Variants in GALNT13 observed in about 807,000 individuals in gnomAD.
GALNT13 encodes the protein polypeptide N-acetylgalactosaminyltransferase 13.
A neutral mutation model predicts 64.2 loss-of-function variants in GALNT13; 28 were observed. The ratio of observed to expected loss-of-function variants is 0.44; its 90% CI spans 0.32 to 0.60. The LOEUF (loss-of-function observed/expected upper bound fraction) is 0.60. Among genes scored for constraint, GALNT13 ranks in the 20% least tolerant of loss-of-function variants. The pLI, the probability that GALNT13 is intolerant of heterozygous loss-of-function variation, is 0.05. For synonymous variants in GALNT13, 214 were observed against 224.6 expected (o/e 0.95, Z 0.42); for missense variants, 577 against 669.8 (o/e 0.86, Z 1.53).
the GALNT13 span, among the ~76,000 whole-genome samples, chr2:153,816,572 T>TC: frequency 2.0e-5 from 3 of 152,212 alleles, no homozygotes; most frequent in East Asian, 3.9e-4. Context: ...GTATTAGGGT[T>TC]CCCCACAGAG....
the GALNT13 span, among the ~76,000 whole-genome samples, chr2:153,397,042 C>G: frequency 6.6e-5 from 10 of 152,076 alleles, no homozygotes; most frequent in African/African-American, 2.4e-4. Flanking sequence ...GTTTTGCCAC[C>G]ATTTTCATCC....
chr2:153,647,990 C>A, the GALNT13 span, among the ~76,000 whole-genome samples: 1 of 151,922 alleles, frequency 6.6e-6, no homozygotes, highest in Admixed American at 6.6e-5. Flanking sequence ...TAGTTTTTTC[C>A]AATTCTGTGA....
intron 3 of GALNT13, among the ~76,000 whole-genome samples, chr2:153,978,797 A>G (rs1352395295): frequency 2.0e-5 from 3 of 152,114 alleles, no homozygotes; most frequent in Non-Finnish European, 2.9e-5. Context: ...TGAGCTGGGC[A>G]TGGTGGCTCA....
the GALNT13 span, among the ~76,000 whole-genome samples, chr2:153,665,045 C>A: frequency 1.7e-4 from 26 of 152,074 alleles, no homozygotes; most frequent in Non-Finnish European, 2.2e-4. Flanking sequence ...ATATTGAATA[C>A]CTGTCTAGTT....
chr2:154,079,969 A>C (rs941036743), intron 3 of GALNT13, among the ~76,000 whole-genome samples: 3 of 151,368 alleles, frequency 2.0e-5, no homozygotes, highest in Admixed American at 6.6e-5. Flanking sequence ...GCATTTTTTG[A>C]AGTTGAGTAT....
At chr2:153,835,121 C>A in the GALNT13 span, among the ~76,000 whole-genome samples, 1 of 151,984 alleles carries the variant, frequency 6.6e-6, no homozygotes, top group Non-Finnish European at 1.5e-5. Context: ...TAGTTCTAGA[C>A]TTTTTCCTCT....
the GALNT13 span, among the ~76,000 whole-genome samples, chr2:153,148,092 T>C: frequency 6.6e-6 from 1 of 151,868 alleles, no homozygotes; most frequent in Non-Finnish European, 1.5e-5. Context: ...ACAAGCACAT[T>C]TGGGGGAACT....
chr2:154,157,978 C>T (rs1684520087), intron 4 of GALNT13, among the ~76,000 whole-genome samples: 1 of 152,088 alleles, frequency 6.6e-6, no homozygotes, highest in South Asian at 2.1e-4. Flanking sequence ...CACCCTAACC[C>T]CAAGCGTAGA....
chr2:153,596,564 G>A, the GALNT13 span, among the ~76,000 whole-genome samples: 2 of 151,930 alleles, frequency 1.3e-5, no homozygotes, highest in Non-Finnish European at 2.9e-5. Flanking sequence ...CCTTAGATAG[G>A]AAAATTATTA....
chr2:153,559,717 A>G, the GALNT13 span, among the ~76,000 whole-genome samples: 1 of 152,038 alleles, frequency 6.6e-6, no homozygotes, highest in African/African-American at 2.4e-5. Flanking sequence ...ATTGGTTATT[A>G]TCCCTATCTG....
intron 9 of GALNT13, among the ~76,000 whole-genome samples, chr2:154,303,340 C>T (rs1202791390): frequency 6.6e-6 from 1 of 151,936 alleles, no homozygotes; most frequent in Non-Finnish European, 1.5e-5. Flanking sequence ...ACATAGAGTG[C>T]GGGAAGGCTG....
the GALNT13 span, among the ~76,000 whole-genome samples, chr2:153,861,437 A>T: frequency 6.6e-6 from 1 of 152,196 alleles, no homozygotes; most frequent in East Asian, 1.9e-4. Flanking sequence ...AACTTTGTGT[A>T]GACTGGTGAA....
the GALNT13 span, among the ~76,000 whole-genome samples, chr2:153,420,253 A>G: frequency 6.6e-6 from 1 of 152,162 alleles, no homozygotes; most frequent in South Asian, 2.1e-4. Context: ...TGGTAATTTT[A>G]TGTTATATGT....
At chr2:153,631,108 G>C in the GALNT13 span, among the ~76,000 whole-genome samples, 3 of 151,578 alleles carry the variant, frequency 2.0e-5, no homozygotes, top group Admixed American at 1.3e-4. Context: ...ATGGTTTCCA[G>C]CTTCATCCAT....
At chr2:154,437,457 T>A (rs1278391003) in intron 11 of GALNT13, 2 of 976,070 alleles carry the variant, frequency 2.0e-6, no homozygotes, top group Non-Finnish European at 2.7e-6. Flanking sequence ...ACCTTTCTCA[T>A]TATGTATTCT....
the GALNT13 span, among the ~76,000 whole-genome samples, chr2:153,710,786 A>G: frequency 7.9e-5 from 12 of 152,114 alleles, no homozygotes; most frequent in Admixed American, 2.6e-4. Flanking sequence ...TAACTGATCA[A>G]TGAATATGTC....
chr2:153,568,502 G>A, the GALNT13 span, among the ~76,000 whole-genome samples: 6 of 152,170 alleles, frequency 3.9e-5, no homozygotes, highest in Non-Finnish European at 8.8e-5. Flanking sequence ...GTTTGTTAGA[G>A]TGAAATAGAA....
chr2:153,095,280 A>G, the GALNT13 span, among the ~76,000 whole-genome samples: 1 of 152,258 alleles, frequency 6.6e-6, no homozygotes, highest in Admixed American at 6.5e-5. Flanking sequence ...CAACAGACAC[A>G]TGAAAAAATG....
At chr2:154,077,204 A>G (rs1188140609) in intron 3 of GALNT13, among the ~76,000 whole-genome samples, 1 of 151,616 alleles carries the variant, frequency 6.6e-6, no homozygotes, top group East Asian at 1.9e-4. Flanking sequence ...TACAAACTAT[A>G]AAATCTCTAA....
Sources: gnomAD v4.1 joint callset for allele counts (sites outside exome capture counted in the v4.1 genomes callset) on GRCh38, gnomAD v4.1.1 for gene constraint, MANE v1.5 for transcripts, NCBI Gene and HGNC (gene_info 2026-07-23, HGNC 2026-07-21) for gene names.